Variants in ZNF518A observed in about 807,000 individuals in gnomAD.
The protein encoded by ZNF518A is zinc finger protein 518A.
A neutral mutation model predicts 102.7 loss-of-function variants in ZNF518A; 47 were observed. The observed-to-expected ratio is 0.46, with a 90% CI of 0.36 to 0.58. The LOEUF (loss-of-function observed/expected upper bound fraction) is 0.58. Among genes scored for constraint, ZNF518A ranks in the 20% least tolerant of loss-of-function variants. ZNF518A has a pLI of 0.00. For missense variants in ZNF518A, 1,793 were observed against 1,699.8 expected (o/e 1.05, Z -0.96); for synonymous variants, 652 against 594.6 (o/e 1.10, Z -1.40).
At chr10:96,142,360 A>G (rs2133336799) in intron 3 of ZNF518A, among the ~76,000 whole-genome samples, 1 of 141,882 alleles carries the variant, frequency 7.0e-6, no homozygotes, top group Admixed American at 7.3e-5. Context: ...GTGTGTTTCT[A>G]GATTCCTTTT....
chr10:96,156,220 T>A lies in ZNF518A; in HGVS notation c.-103T>A. The A allele has an allele frequency of 9.2e-7, 1 of 1,081,514 alleles. No homozygotes were observed. The highest frequency in any genetic ancestry group is 1.3e-6 in the Non-Finnish European group (1 of 799,942). The allele number at this position is 1,081,514 out of a possible 1,614,324, so 67.0% of individuals were successfully genotyped here. A position where few individuals can be genotyped will look rare whatever the true frequency, so the allele number is the denominator to read the frequency against. On this transcript the variant is annotated 5_prime_UTR_variant, in exon 6 of 6. Transcript: ENST00000316045. ...AGGTGAGTTATTGTGGGAAAAATCC[T>A]GTATATTGAAGATGTCTCTACACAG...
intron 3 of ZNF518A, among the ~76,000 whole-genome samples, chr10:96,140,302 C>G (rs916108637): frequency 6.6e-6 from 1 of 152,040 alleles, no homozygotes; most frequent in East Asian, 1.9e-4. Flanking sequence ...ATGGGGACAT[C>G]CAGGGAGTGT....
At chr10:96,177,051 C>T (rs1271224221) in intron 1 of ZNF518A, among the ~76,000 whole-genome samples, 1 of 148,008 alleles carries the variant, frequency 6.8e-6, no homozygotes, top group Non-Finnish European at 1.5e-5. Flanking sequence ...TGCACTCCAG[C>T]CAGGGCAACA....
chr10:96,146,117 AG>A (rs1473374587), intron 3 of ZNF518A, among the ~76,000 whole-genome samples: 1 of 152,010 alleles, frequency 6.6e-6, no homozygotes, highest in Non-Finnish European at 1.5e-5. Context: ...TTTTCACTTA[AG>A]GTATGTTAGA....
At chr10:96,147,748 C>G (rs587658811) in intron 3 of ZNF518A, among the ~76,000 whole-genome samples, 1 of 152,182 alleles carries the variant, frequency 6.6e-6, no homozygotes, top group East Asian at 1.9e-4. Context: ...TGGATTTTGT[C>G]TCTACTGTTA....
chr10:96,145,296 C>T (rs945157526), intron 3 of ZNF518A, among the ~76,000 whole-genome samples: 11 of 152,300 alleles, frequency 7.2e-5, no homozygotes, highest in African/African-American at 2.4e-4. Context: ...TCTTGAACTC[C>T]TGACCTCAGG....
chr10:96,197,779 A>G (rs10786270), intron 1 of ZNF518A, among the ~76,000 whole-genome samples: 128,647 of 151,794 alleles, frequency 0.85, 55,397 homozygotes, highest in Middle Eastern at 0.93. Flanking sequence ...AGCCGGGCAT[A>G]GTGGCGGGCA....
intron 1 of ZNF518A, among the ~76,000 whole-genome samples, chr10:96,175,433 AC>A (rs1489239546): frequency 1.8e-4 from 27 of 152,202 alleles, no homozygotes; most frequent in African/African-American, 5.5e-4. Flanking sequence ...TACTTTAGGT[AC>A]TAACTCTGTC....
At position 96,160,758 on chromosome 10, in the gene ZNF518A, G is replaced by A; in HGVS notation, c.4436G>A (p.Trp1479Ter). Residue 1479 changes from tryptophan to a stop codon, truncating the protein, a stop_gained, in exon 6 of 6, where the codon TGG becomes TAG. Coordinates refer to ENST00000316045, the MANE Select transcript of ZNF518A (RefSeq NM_001330736.2). LOFTEE classifies it high-confidence loss of function. ...CATTTAATGGAAGCTACTCGGGATT[G>A]GAACATGTTAGAATAGTTTACCATA... ...QRHLMEATRD[W>*]NMLE The A allele has an allele frequency of 6.3e-7, 1 of 1,581,072 alleles. No homozygotes were observed. Among genetic ancestry groups the A allele is most frequent in the Non-Finnish European group, 8.6e-7 (1 of 1,168,468 alleles).
chr10:96,173,646 T>C (rs1359920714), intron 1 of ZNF518A, among the ~76,000 whole-genome samples: 1 of 152,070 alleles, frequency 6.6e-6, no homozygotes, highest in Non-Finnish European at 1.5e-5. Context: ...ACTGACAGAA[T>C]TGAAGGGAGA....
intron 1 of ZNF518A, chr10:96,191,948 T>C (rs376602258): frequency 1.9e-6 from 3 of 1,613,246 alleles, no homozygotes; most frequent in Non-Finnish European, 2.5e-6. Context: ...TCTGAAGCAA[T>C]GGTATTGATC....
At chr10:96,193,749 G>A (rs1018170907) in intron 1 of ZNF518A, among the ~76,000 whole-genome samples, 6 of 152,130 alleles carry the variant, frequency 3.9e-5, no homozygotes, top group African/African-American at 1.4e-4. Flanking sequence ...ACTCAATGTT[G>A]TATCACACAG....
At position 96,160,994 on chromosome 10, in the gene ZNF518A, A is replaced by G. The variant is rs975922167; in HGVS notation, c.*220A>G. The G allele has an allele frequency of 6.8e-6, 3 of 439,466 alleles. No homozygotes were observed. Among genetic ancestry groups the G allele is most frequent in the Non-Finnish European group, 4.0e-6 (1 of 252,130 alleles). The allele number at this position is 439,466 out of a possible 1,614,324, so 27.2% of individuals were successfully genotyped here. Reference sequence around the variant, plus strand: ...TTTTGAAAGAAACTAATCACAGCACAGAAGTACCTTGATTTAATTTTTTAA... The same window carrying G: ...TTTTGAAAGAAACTAATCACAGCACGGAAGTACCTTGATTTAATTTTTTAA... On this transcript the variant is annotated 3_prime_UTR_variant, in exon 6 of 6. Coordinates refer to ENST00000316045, the MANE Select transcript of ZNF518A (RefSeq NM_001330736.2).
intron 1 of ZNF518A, among the ~76,000 whole-genome samples, chr10:96,131,236 A>C (rs1022064166): frequency 6.6e-6 from 1 of 152,248 alleles, no homozygotes; most frequent in Non-Finnish European, 1.5e-5. Flanking sequence ...GAAAGTGTGC[A>C]TGTTAGATCT....
intron 3 of ZNF518A, among the ~76,000 whole-genome samples, chr10:96,142,130 A>G (rs1312067697): frequency 1.3e-5 from 2 of 152,166 alleles, no homozygotes; most frequent in South Asian, 2.1e-4. Context: ...ACTGTATACA[A>G]CCATTTCTTG....
chr10:96,187,966 C>T (rs2083282516), intron 1 of ZNF518A, among the ~76,000 whole-genome samples: 1 of 152,208 alleles, frequency 6.6e-6, no homozygotes, highest in East Asian at 1.9e-4. Flanking sequence ...ATGCCTCAGC[C>T]TCCTGAGTAG....
chr10:96,184,050 C>T (rs1554892291), intron 1 of ZNF518A, among the ~76,000 whole-genome samples: 5 of 152,068 alleles, frequency 3.3e-5, no homozygotes. Flanking sequence ...TTGAATTCGT[C>T]CCTTTACCAT....
downstream of ZNF518A, among the ~76,000 whole-genome samples, chr10:96,166,536 A>G (rs1319010484): frequency 1.3e-5 from 2 of 152,106 alleles, no homozygotes; most frequent in African/African-American, 4.8e-5. Flanking sequence ...TGGGAGGCCG[A>G]GACGGGCGGA....
chr10:96,147,883 C>G (rs1303789793), intron 3 of ZNF518A, among the ~76,000 whole-genome samples: 1 of 152,162 alleles, frequency 6.6e-6, no homozygotes, highest in African/African-American at 2.4e-5. Context: ...TTTCCTTCCC[C>G]TTTGTACTCT....
Sources: gnomAD v4.1 joint callset for allele counts (sites outside exome capture counted in the v4.1 genomes callset) on GRCh38, gnomAD v4.1.1 for gene constraint, MANE v1.5 for transcripts, NCBI Gene and HGNC (gene_info 2026-07-23, HGNC 2026-07-21) for gene names.